ELAPOR2: variants seen among roughly 807,000 people sequenced by gnomAD.
The protein encoded by ELAPOR2 is endosome/lysosome-associated apoptosis and autophagy regulator family member 2.
In ELAPOR2, 89 loss-of-function variants were observed where a neutral mutation model predicts 120.7. That is an observed-to-expected ratio of 0.74 (90% confidence interval 0.62 to 0.88). The LOEUF (loss-of-function observed/expected upper bound fraction) is 0.88, where lower values mean the gene tolerates loss of function less well. ELAPOR2 is among the 40% of genes least tolerant of loss of function. The pLI, the probability that ELAPOR2 is intolerant of heterozygous loss-of-function variation, is 0.00. For missense variants in ELAPOR2, 1,134 were observed against 1,251.6 expected (o/e 0.91, Z 1.42); for synonymous variants, 444 against 444.9 (o/e 1.00, Z 0.03).
At chr7:87,057,532 A>AT (rs1260828398) in intron 1 of ELAPOR2, among the ~76,000 whole-genome samples, 3 of 152,122 alleles carry the variant, frequency 2.0e-5, no homozygotes, top group African/African-American at 7.2e-5. Context: ...ATTTATTCTC[A>AT]TTTTTCAGAA....
intron 18 of ELAPOR2, among the ~76,000 whole-genome samples, chr7:86,907,189 A>G (rs375299372): frequency 6.5e-4 from 99 of 152,210 alleles, no homozygotes; most frequent in African/African-American, 2.3e-3. Flanking sequence ...TAATCAATAA[A>G]CTGAAGAGCT....
chr7:87,017,124 G>A (rs1409372533), intron 1 of ELAPOR2, among the ~76,000 whole-genome samples: 1 of 152,170 alleles, frequency 6.6e-6, no homozygotes, highest in African/African-American at 2.4e-5. Flanking sequence ...TATTAAATTT[G>A]AAAAGACATC....
chr7:86,976,081 C>T (rs868605581), intron 1 of ELAPOR2, among the ~76,000 whole-genome samples: 9 of 152,124 alleles, frequency 5.9e-5, no homozygotes, highest in South Asian at 2.1e-4. Context: ...TCCTTCCCCA[C>T]GGCCAGCACC....
intron 1 of ELAPOR2, among the ~76,000 whole-genome samples, chr7:87,015,630 T>C (rs1030997895): frequency 1.3e-5 from 2 of 151,868 alleles, no homozygotes; most frequent in African/African-American, 4.8e-5. Flanking sequence ...CTACTAAAAA[T>C]ACAAAACATT....
chr7:86,891,082 G>C (rs1788135800), intron 21 of ELAPOR2: 1 of 151,944 alleles, frequency 6.6e-6, no homozygotes, highest in African/African-American at 2.4e-5. Flanking sequence ...GGATATGGTA[G>C]TTGTTCCAAA....
Position 86,925,665 on chromosome 7 carries a change from G to A in ELAPOR2, c.1271-9C>T. The A allele has an allele frequency of 6.2e-7, 1 of 1,610,610 alleles. No individual in the cohort carries two copies. Among genetic ancestry groups the A allele is most frequent in the Non-Finnish European group, 8.5e-7 (1 of 1,177,654 alleles). ...TGGACATGGTCTACATTCTACAGGAGACAAGTAGGGTCAACAATTAAAATT... is the reference window on the plus strand; with the variant it reads ...TGGACATGGTCTACATTCTACAGGAAACAAGTAGGGTCAACAATTAAAATT... On this transcript the variant is annotated splice_polypyrimidine_tract_variant and intron_variant, in intron 9 of 21. Coordinates refer to ENST00000450689, the MANE Select transcript of ELAPOR2 (RefSeq NM_001142749.3).
At chr7:86,940,386 C>T (rs1352635366) in intron 5 of ELAPOR2, among the ~76,000 whole-genome samples, 4 of 151,970 alleles carry the variant, frequency 2.6e-5, no homozygotes. Flanking sequence ...GATTCTCAAA[C>T]CATCTGCATG....
chr7:87,026,477 G>A (rs1794248760), intron 1 of ELAPOR2, among the ~76,000 whole-genome samples: 1 of 151,614 alleles, frequency 6.6e-6, no homozygotes, highest in African/African-American at 2.4e-5. Flanking sequence ...TCTCTCAAGA[G>A]AGTCATTCAG....
chr7:86,961,356 T>C (rs1791700600), intron 2 of ELAPOR2, among the ~76,000 whole-genome samples: 1 of 152,194 alleles, frequency 6.6e-6, no homozygotes, highest in Non-Finnish European at 1.5e-5. Context: ...GACTCAGATA[T>C]ATTTTAAAGA....
At chr7:87,049,179 A>G (rs1795033014) in intron 1 of ELAPOR2, among the ~76,000 whole-genome samples, 1 of 152,258 alleles carries the variant, frequency 6.6e-6, no homozygotes, top group Non-Finnish European at 1.5e-5. Flanking sequence ...ATACAAACCA[A>G]ATAAATAATT....
chr7:86,912,948 T>G lies in ELAPOR2; in HGVS notation c.1988A>C (p.Asn663Thr). The change falls in exon 14 of 22, where the codon AAC (asparagine) becomes ACC (threonine). Residue 663 changes from asparagine (N) to threonine (T), a missense_variant. Asn to Thr is a moderately conservative substitution (Grantham distance 65, BLOSUM62 0). Around this residue, in one of 3 missense-constraint regions of ELAPOR2, gnomAD observed 831 missense variants for 867.6 expected, o/e 0.96. Coordinates refer to ENST00000450689, the MANE Select transcript of ELAPOR2 (RefSeq NM_001142749.3). ...AAATGCAGACCCACTTACCTGATTG[T>G]TTTTACTCCCAGGCCCGCATGGAAT... ...ACIPCGPGSK[N>T]NQDHSVCYSD... The G allele has an allele frequency of 6.2e-7, 1 of 1,613,832 alleles. No homozygotes were observed. Among genetic ancestry groups the G allele is most frequent in the Non-Finnish European group, 8.5e-7 (1 of 1,179,796 alleles).
Position 86,944,943 on chromosome 7 carries a change from AGAAGACATAGCCT to A in ELAPOR2, c.597_609del (p.Gly200LeufsTer32). 6.4e-7 allele frequency: 1 copy of A among 1,550,546 alleles called. No individual in the cohort carries two copies. Among genetic ancestry groups the A allele is most frequent in the Non-Finnish European group, 8.7e-7 (1 of 1,146,552 alleles). ...TTGTTGTCGACATACTGGTACTCAA[AGAAGACATAGCCT>A]GACTTCTTAAGGTGCACAGCATAGA... On this transcript the variant is annotated frameshift_variant, in exon 4 of 22. Coordinates refer to ENST00000450689, the MANE Select transcript of ELAPOR2 (RefSeq NM_001142749.3). LOFTEE classifies it high-confidence loss of function.
At chr7:87,055,157 T>C (rs1460423401) in intron 1 of ELAPOR2, among the ~76,000 whole-genome samples, 1 of 152,124 alleles carries the variant, frequency 6.6e-6, no homozygotes, top group Non-Finnish European at 1.5e-5. Context: ...GGCCTAATAA[T>C]ACCTAACTGC....
chr7:86,926,177 G>T (rs1369760193), intron 9 of ELAPOR2, among the ~76,000 whole-genome samples: 2 of 151,964 alleles, frequency 1.3e-5, no homozygotes, highest in Non-Finnish European at 2.9e-5. Context: ...GGAAAGTGCT[G>T]GGTTTATAAA....
chr7:87,052,776 C>CTTTTCTTTTGTTTTG (rs139503925), intron 1 of ELAPOR2, among the ~76,000 whole-genome samples: 1 of 146,994 alleles, frequency 6.8e-6, no homozygotes, highest in Non-Finnish European at 1.5e-5. Context: ...GGTTTGTTTT[C>CTTTTCTTTTGTTTTG]TTTTGTTTTG....
intron 2 of ELAPOR2, among the ~76,000 whole-genome samples, chr7:86,950,404 G>T (rs1011697502): frequency 1.3e-5 from 2 of 152,220 alleles, no homozygotes; most frequent in African/African-American, 4.8e-5. Context: ...GCCCTTTGGG[G>T]ATACCAGACC....
At position 86,983,230 on chromosome 7, in the gene ELAPOR2, C is replaced by T. The variant is rs371998343; in HGVS notation, c.190-18206G>A. 5.3e-5 allele frequency among the ~76,000 whole-genome samples: 8 copies of T among 152,306 alleles called. No homozygotes were observed. In the East Asian group the frequency reaches 7.7e-4, roughly 15 times the overall value. ...ATTTGATTGGTGTACCTGAAAGTGA[C>T]GGGCAGAATGGAACCAAGTTGGAAA... is the stretch of plus-strand genomic sequence containing the variant. On this transcript the variant is annotated intron_variant, in intron 1 of 21. Coordinates refer to ENST00000450689, the MANE Select transcript of ELAPOR2 (RefSeq NM_001142749.3).
chr7:86,891,000 T>A (rs1295344382), intron 21 of ELAPOR2, among the ~76,000 whole-genome samples: 1 of 152,078 alleles, frequency 6.6e-6, no homozygotes, highest in Non-Finnish European at 1.5e-5. Context: ...TAATTTCTCA[T>A]CTTTTAAGTC....
At chr7:86,980,669 C>T (rs1204487001) in intron 1 of ELAPOR2, among the ~76,000 whole-genome samples, 1 of 152,040 alleles carries the variant, frequency 6.6e-6, no homozygotes, top group Non-Finnish European at 1.5e-5. Flanking sequence ...ATGCCTCCTT[C>T]CTGTGGGTCT....
Sources: allele counts gnomAD v4.1 joint callset (sites outside exome capture counted in the v4.1 genomes callset), GRCh38; gene constraint gnomAD v4.1.1; regional missense constraint gnomAD v4.1.1; transcripts MANE v1.5; gene names NCBI Gene and HGNC (gene_info 2026-07-23, HGNC 2026-07-21).